SAMD12: variants seen among roughly 807,000 people sequenced by gnomAD.
SAMD12 encodes sterile alpha motif domain containing 12, also known as sterile alpha motif domain-containing protein 12.
SAMD12 carries 9 observed loss-of-function variants against 15.0 expected under a neutral mutation model. The ratio of observed to expected loss-of-function variants is 0.60; its 90% CI spans 0.36 to 1.05. SAMD12 has a LOEUF of 1.05. Ranked by LOEUF, SAMD12 falls within the 50% of genes least tolerant of loss-of-function variation. The pLI is 0.01. For synonymous variants in SAMD12, 86 were observed against 90.1 expected (o/e 0.96, Z 0.25); for missense variants, 230 against 234.2 (o/e 0.98, Z 0.12).
the SAMD12 span, among the ~76,000 whole-genome samples, chr8:118,153,381 T>C: frequency 7.0e-3 from 959 of 137,248 alleles, 13 homozygotes; most frequent in African/African-American, 0.024. Flanking sequence ...TAGCATCTCA[T>C]TGGTCAAGCT....
chr8:118,131,872 TAAG>T, the SAMD12 span, among the ~76,000 whole-genome samples: 1 of 152,246 alleles, frequency 6.6e-6, no homozygotes, highest in Non-Finnish European at 1.5e-5. Flanking sequence ...ATCCTGATGA[TAAG>T]AAAAATAATT....
In SAMD12 at chr8:118,379,355, T is replaced by C; in HGVS notation, c.*62A>G. 5 of 1,562,030 alleles carry C rather than the reference T, an allele frequency of 3.2e-6. No homozygotes were observed. Among genetic ancestry groups the C allele is most frequent in the Non-Finnish European group, 4.3e-6 (5 of 1,157,140 alleles). ...CAGGTAATTCTGTTTGCTCATCCAT[T>C]ACTTATTTGTGCATCCTTCTCCCTA... On this transcript the variant is annotated 3_prime_UTR_variant, in exon 4 of 4. Transcript: ENST00000314727.
intron 1 of SAMD12, among the ~76,000 whole-genome samples, chr8:118,620,644 C>T (rs1301171768): frequency 6.6e-6 from 1 of 152,140 alleles, no homozygotes; most frequent in East Asian, 1.9e-4. Context: ...GTTGTTAAGA[C>T]AGTCGTTATA....
intron 2 of SAMD12, among the ~76,000 whole-genome samples, chr8:118,573,095 T>C (rs1233605855): frequency 6.6e-6 from 1 of 152,164 alleles, no homozygotes; most frequent in Non-Finnish European, 1.5e-5. Context: ...TCTTTTCTTT[T>C]CTTTTTGAGG....
chr8:118,467,887 T>C (rs112908480), intron 2 of SAMD12, among the ~76,000 whole-genome samples: 7 of 152,298 alleles, frequency 4.6e-5, no homozygotes, highest in African/African-American at 1.4e-4. Context: ...CCTAAAAGGC[T>C]TTGACAAGAT....
chr8:118,149,867 T>C, the SAMD12 span, among the ~76,000 whole-genome samples: 1 of 152,214 alleles, frequency 6.6e-6, no homozygotes, highest in Non-Finnish European at 1.5e-5. Context: ...TGATCCTTTG[T>C]TGAAAATTAA....
chr8:118,139,107 G>A, the SAMD12 span, among the ~76,000 whole-genome samples: 1 of 152,100 alleles, frequency 6.6e-6, no homozygotes, highest in African/African-American at 2.4e-5. Context: ...ACAACATGTG[G>A]TATAAGTATT....
rs1453958648 is a variant in SAMD12, at chr8:118,404,373, C to T, written c.323-24673G>A. 2.6e-5 allele frequency among the ~76,000 whole-genome samples: 4 copies of T among 152,140 alleles called. No homozygotes were observed. The East Asian group carries it at 7.7e-4, about 29-fold the overall frequency. ...AATAATTTTGCAAAATTCTTGGCCT[C>T]CTGAAGAAAGTTCAAATACTTTTTC... On this transcript the variant is annotated intron_variant, in intron 3 of 3. Transcript: ENST00000314727.
intron 2 of SAMD12, among the ~76,000 whole-genome samples, chr8:118,486,231 G>C (rs184493764): frequency 1.3e-5 from 2 of 151,200 alleles, no homozygotes; most frequent in Non-Finnish European, 2.9e-5. Flanking sequence ...TGGCTAACAC[G>C]GTGAAACTCC....
In SAMD12 at chr8:118,579,927, G is replaced by T. The variant is rs575638956; in HGVS notation, c.192+788C>A. Among the ~76,000 whole-genome samples, 3 of 152,260 alleles carry T rather than the reference G, an allele frequency of 2.0e-5. No homozygotes were observed. The East Asian group carries it at 5.8e-4, about 29-fold the overall frequency. Reference sequence around the variant, plus strand: ...ATATCCAGATAGTGCCAGTCCCATTGTAGGGAGCCTTTAGAAGAGGCTGTC... The same window carrying T: ...ATATCCAGATAGTGCCAGTCCCATTTTAGGGAGCCTTTAGAAGAGGCTGTC... On this transcript the variant is annotated intron_variant, in intron 2 of 3. Coordinates refer to ENST00000314727, the MANE Select transcript of SAMD12 (RefSeq NM_207506.3).
chr8:118,366,812 C>CAAATAAAATA (rs1554643154), intron 4 of SAMD12, among the ~76,000 whole-genome samples: 917 of 77,592 alleles, frequency 0.012, 25 homozygotes, highest in South Asian at 0.027. Flanking sequence ...AACTCTGTCT[C>CAAATAAAATA]AAATAAAATA....
intron 4 of SAMD12, among the ~76,000 whole-genome samples, chr8:118,330,859 T>C (rs1816774999): frequency 6.6e-6 from 1 of 152,036 alleles, no homozygotes; most frequent in African/African-American, 2.4e-5. Context: ...ACCTATCGGG[T>C]ACAATGTTCA....
At chr8:118,404,386 C>G (rs1821023266) in intron 3 of SAMD12, among the ~76,000 whole-genome samples, 1 of 152,174 alleles carries the variant, frequency 6.6e-6, no homozygotes, top group Non-Finnish European at 1.5e-5. Flanking sequence ...GAAGAAAGTT[C>G]AAATACTTTT....
chr8:118,234,292 G>T (rs973647402), intron 4 of SAMD12, among the ~76,000 whole-genome samples: 5 of 151,910 alleles, frequency 3.3e-5, no homozygotes, highest in African/African-American at 7.3e-5. Flanking sequence ...AGAAGGCATT[G>T]TCTATTTCCT....
chr8:118,414,621 A>T (rs17682422), intron 3 of SAMD12, among the ~76,000 whole-genome samples: 12,487 of 152,178 alleles, frequency 0.082, 671 homozygotes, highest in Non-Finnish European at 0.12. Context: ...GATGAAGGGG[A>T]AGAGTTTGGT....
Position 118,604,223 on chromosome 8 carries a change from ATG to A in SAMD12, c.13+17579_13+17580del, listed in dbSNP as rs1827934799. 2.0e-5 allele frequency among the ~76,000 whole-genome samples: 3 copies of A among 152,328 alleles called. No homozygotes were observed. In the South Asian group the frequency reaches 6.2e-4, roughly 32 times the overall value. ...TACAATGTTGTCAGCATCAGAGAGA[ATG>A]TTTATAAGCCACAATACTTGGTATA... On this transcript the variant is annotated intron_variant, in intron 1 of 3. Coordinates refer to ENST00000314727, the MANE Select transcript of SAMD12 (RefSeq NM_207506.3).
the SAMD12 span, among the ~76,000 whole-genome samples, chr8:118,150,623 C>G: frequency 1.3e-5 from 2 of 152,174 alleles, no homozygotes; most frequent in Non-Finnish European, 2.9e-5. Context: ...CCTGCCTTGG[C>G]CTCCCAAAGT....
At chr8:118,309,380 A>ATGTGTGTATGTGTGTGTG (rs1554628154) in intron 4 of SAMD12, among the ~76,000 whole-genome samples, 2 of 143,896 alleles carry the variant, frequency 1.4e-5, no homozygotes, top group African/African-American at 5.5e-5. Flanking sequence ...TGAGATATAT[A>ATGTGTGTATGTGTGTGTG]TGTGTGTGTG....
At chr8:118,376,220 C>CT (rs1488879825), downstream of SAMD12, among the ~76,000 whole-genome samples, 1 of 152,164 alleles carries the variant, frequency 6.6e-6, no homozygotes, top group Non-Finnish European at 1.5e-5. Flanking sequence ...AGTGATAACT[C>CT]TTCTTAAAAT....
Sources: gnomAD v4.1 joint callset for allele counts (sites outside exome capture counted in the v4.1 genomes callset) on GRCh38, gnomAD v4.1.1 for gene constraint, MANE v1.5 for transcripts, NCBI Gene and HGNC (gene_info 2026-07-23, HGNC 2026-07-21) for gene names.